The following DLGAP5 variants were observed in gnomAD, a reference collection of about 807,000 sequenced individuals.
The protein encoded by DLGAP5 is DLG associated protein 5.
DLGAP5 carries 90 observed loss-of-function variants against 99.6 expected under a neutral mutation model. That is an observed-to-expected ratio of 0.90 (90% CI 0.76 to 1.08). The LOEUF (loss-of-function observed/expected upper bound fraction) is 1.08. DLGAP5 is among the 50% of genes least tolerant of loss of function. DLGAP5 has a pLI of 0.00. For missense variants in DLGAP5, 1,036 were observed against 983.5 expected, an observed-to-expected ratio of 1.05 and a Z score of -0.71; for synonymous variants, 311 against 321.3, an observed-to-expected ratio of 0.97 and a Z score of 0.34.
At chr14:55,181,184 G>A (rs1883260899) in intron 5 of DLGAP5, 29 bp downstream of exon 5, 5 of 1,592,384 alleles carry the variant, frequency 3.1e-6, no homozygotes, top group Non-Finnish European at 3.4e-6. Flanking sequence ...TAGCCTCAGA[G>A]GATTTATAGT....
intron 2 of DLGAP5, among the ~76,000 whole-genome samples, chr14:55,185,706 A>C (rs894590495): frequency 2.0e-5 from 3 of 149,000 alleles, no homozygotes; most frequent in African/African-American, 5.0e-5. Context: ...CTGGTCTTGA[A>C]CTCCTGACCT....
At chr14:55,164,556 A>G (rs1434228735) in intron 12 of DLGAP5, among the ~76,000 whole-genome samples, 2 of 152,152 alleles carry the variant, frequency 1.3e-5, no homozygotes, top group Admixed American at 6.6e-5. Context: ...AGGAGAAAAC[A>G]CAGGAGAAAA....
chr14:55,151,537 AT>A (rs764714852), intron 17 of DLGAP5, among the ~76,000 whole-genome samples, 157 bp downstream of exon 17: 1 of 144,004 alleles, frequency 6.9e-6, no homozygotes, highest in Non-Finnish European at 1.5e-5. Context: ...AAAAAAAAAA[AT>A]CTTGAGGGAA....
At position 55,175,372 on chromosome 14, in the gene DLGAP5, C is replaced by A. The variant is rs147212435; in HGVS notation, c.1275G>T (p.Gln425His). The A allele has an allele frequency of 3.7e-6, 6 of 1,610,106 alleles. No individual in the cohort carries two copies. The East Asian group carries it at 6.7e-5, about 18-fold the overall frequency. Residue 425 changes from glutamine (Q) to histidine (H), a missense_variant, in exon 10 of 19, where the codon CAG becomes CAT. Transcript: ENST00000247191. ...TGAAATATGGCACACCATGGTGGGG[C>A]TGAGCAATTCGACCTTCATTTCTTT... is the stretch of plus-strand genomic sequence containing the variant. Reference protein sequence around the residue: ...SLERNEGRIAQPHHGVPYFRN... With the variant: ...SLERNEGRIAHPHHGVPYFRN...
Position 55,182,044 on chromosome 14 carries a change from C to A in DLGAP5, c.495+326G>T, listed in dbSNP as rs181414733. ...TATCTCTATTACAGTATTTTGAAGA[C>A]CCGTAAGTTTATAACACCTACCCTG... On this transcript the variant is annotated intron_variant, in intron 4 of 18. Coordinates refer to ENST00000247191, the MANE Select transcript of DLGAP5 (RefSeq NM_014750.5). Among the ~76,000 whole-genome samples, 8 of 152,266 alleles carry A rather than the reference C, an allele frequency of 5.3e-5. No homozygotes were observed. In the East Asian group the frequency reaches 1.5e-3, roughly 29 times the overall value.
At chr14:55,162,341 C>A (rs567130889) in intron 13 of DLGAP5, among the ~76,000 whole-genome samples, 2 of 152,028 alleles carry the variant, frequency 1.3e-5, no homozygotes, top group African/African-American at 4.8e-5. Context: ...ACCTTTAGGC[C>A]GGGCACGGTG....
At chr14:55,155,295 G>T (rs578166048) in intron 14 of DLGAP5, among the ~76,000 whole-genome samples, 1 of 150,926 alleles carries the variant, frequency 6.6e-6, no homozygotes. Context: ...AAAGTGCTGG[G>T]ATTAGAGGTG....
chr14:55,151,668 C>T (rs749056709), intron 17 of DLGAP5, 27 bp downstream of exon 17: 23 of 1,593,578 alleles, frequency 1.4e-5, no homozygotes, highest in African/African-American at 4.1e-5. Flanking sequence ...AATAAAGGCT[C>T]GTTTAAATAT....
intron 13 of DLGAP5, among the ~76,000 whole-genome samples, chr14:55,161,323 C>A (rs1387240348): frequency 6.6e-6 from 1 of 151,368 alleles, no homozygotes; most frequent in African/African-American, 2.4e-5. Flanking sequence ...GCATCCTTCA[C>A]TATTTAGTAG....
chr14:55,177,817 G>A (rs1033290730), intron 7 of DLGAP5, among the ~76,000 whole-genome samples: 11 of 151,576 alleles, frequency 7.3e-5, no homozygotes, highest in African/African-American at 2.7e-4. Context: ...GATTACAGGC[G>A]GGAGCCACCG....
Position 55,191,580 on chromosome 14 carries a change from A to C in DLGAP5, c.-119T>G, listed in dbSNP as rs1450993011. ...CACAACCCGAGCCTCCACGAAATTCAAACTTGCCGCACCGAGCCGCTGATT... is the reference window on the plus strand; with the variant it reads ...CACAACCCGAGCCTCCACGAAATTCCAACTTGCCGCACCGAGCCGCTGATT... On this transcript the variant is annotated 5_prime_UTR_variant, in exon 1 of 19. Coordinates refer to ENST00000247191, the MANE Select transcript of DLGAP5 (RefSeq NM_014750.5). 1 of 152,740 alleles carries C rather than the reference A, an allele frequency of 6.5e-6. No individual in the cohort carries two copies. The highest frequency in any genetic ancestry group is 2.4e-5 in the African/African-American group (1 of 41,430). The allele number at this position is 152,740 out of a possible 1,614,324, so 9.5% of individuals were successfully genotyped here. A position where few individuals can be genotyped will look rare whatever the true frequency, so the allele number is the denominator to read the frequency against.
chr14:55,158,121 C>T (rs1882277410), intron 14 of DLGAP5, among the ~76,000 whole-genome samples: 1 of 152,200 alleles, frequency 6.6e-6, no homozygotes, highest in African/African-American at 2.4e-5. Flanking sequence ...CTCAAGTTTC[C>T]TTTGCATTAT....
chr14:55,153,497 T>C (rs1401341393), intron 15 of DLGAP5, among the ~76,000 whole-genome samples: 5 of 150,112 alleles, frequency 3.3e-5, no homozygotes, highest in East Asian at 2.0e-4. Context: ...GCCGAGGTAG[T>C]GCCACTGCAC....
intron 13 of DLGAP5, among the ~76,000 whole-genome samples, chr14:55,161,736 G>A (rs1473449411): frequency 8.7e-5 from 13 of 149,504 alleles, no homozygotes; most frequent in South Asian, 8.4e-4. Flanking sequence ...AAGGCCGAGC[G>A]CAGTGGCTCA....
chr14:55,173,273 A>T (rs1254072056), intron 10 of DLGAP5, among the ~76,000 whole-genome samples: 27 of 154 alleles, frequency 0.18, no homozygotes, highest in Non-Finnish European at 0.17. Context: ...CCGTCTCTAC[A>T]AAAAAAAAAA....
intron 14 of DLGAP5, 147 bp downstream of exon 14, chr14:55,158,375 G>A (rs553139401): frequency 1.1e-5 from 7 of 660,246 alleles, no homozygotes; most frequent in Non-Finnish European, 1.8e-5. Flanking sequence ...AGCGAGCATA[G>A]TCTATTTTCT....
At chr14:55,190,286 C>CCA (rs1330480685) in intron 1 of DLGAP5, among the ~76,000 whole-genome samples, 3 of 105,402 alleles carry the variant, frequency 2.8e-5, no homozygotes, top group African/African-American at 2.8e-4. Flanking sequence ...AAAAGAAAAG[C>CCA]CATACACACA....
intron 7 of DLGAP5, among the ~76,000 whole-genome samples, chr14:55,178,535 C>T (rs533222211): frequency 6.6e-6 from 1 of 152,138 alleles, no homozygotes; most frequent in African/African-American, 2.4e-5. Flanking sequence ...GGTATTTCAA[C>T]CTGGACAAGA....
intron 7 of DLGAP5, among the ~76,000 whole-genome samples, chr14:55,178,830 T>C (rs1383970626): frequency 3.3e-5 from 5 of 152,160 alleles, no homozygotes; most frequent in African/African-American, 1.2e-4. Flanking sequence ...GTGGATCACC[T>C]GAGGTCGGGA....
Sources: allele counts gnomAD v4.1 joint callset (sites outside exome capture counted in the v4.1 genomes callset), GRCh38; gene constraint gnomAD v4.1.1; transcripts MANE v1.5; gene names NCBI Gene and HGNC (gene_info 2026-07-23, HGNC 2026-07-21).